The following HS3ST5 variants were observed in gnomAD, a reference collection of about 807,000 sequenced individuals.
The protein encoded by HS3ST5 is heparan sulfate-glucosamine 3-sulfotransferase 5, also known as heparan sulfate glucosamine 3-O-sulfotransferase 5.
Under a neutral mutation model 25.4 loss-of-function variants are expected in HS3ST5, and 10 were observed. The ratio of observed to expected loss-of-function variants is 0.39; its 90% CI spans 0.24 to 0.67. HS3ST5 has a LOEUF of 0.67. Among genes scored for constraint, HS3ST5 ranks in the 30% least tolerant of loss-of-function variants. The pLI, the probability that HS3ST5 is intolerant of heterozygous loss-of-function variation, is 0.44. For synonymous variants in HS3ST5, 170 were observed against 162.4 expected (o/e 1.05, Z -0.36); for missense variants, 324 against 420.7 (o/e 0.77, Z 2.01).
intron 3 of HS3ST5, among the ~76,000 whole-genome samples, chr6:114,136,487 G>T (rs144979967): frequency 1.3e-5 from 2 of 152,092 alleles, no homozygotes; most frequent in Non-Finnish European, 2.9e-5. Flanking sequence ...ACCCAGTCTC[G>T]GATATATCTT....
In HS3ST5 at chr6:114,057,069, A is replaced by G. The variant is rs928344011; in HGVS notation, c.*188T>C. On this transcript the variant is annotated 3_prime_UTR_variant, in exon 5 of 5. Coordinates refer to ENST00000312719, the MANE Select transcript of HS3ST5 (RefSeq NM_153612.4). ...AAAAGATGCGACTATGCAGACAGCAATTTTTTTTTTTTCGTAAATTTTCAG... is the reference window on the plus strand; with the variant it reads ...AAAAGATGCGACTATGCAGACAGCAGTTTTTTTTTTTTCGTAAATTTTCAG... The G allele has an allele frequency of 4.9e-6, 2 of 406,926 alleles. No individual in the cohort carries two copies. The highest frequency in any genetic ancestry group is 4.1e-5 in the Admixed American group (1 of 24,140). 25.2% of individuals were successfully genotyped at this position (406,926 alleles called of 1,614,324 possible). A position where few individuals can be genotyped will look rare whatever the true frequency, so the allele number is the denominator to read the frequency against.
At chr6:114,113,185 A>C (rs1195682523) in intron 3 of HS3ST5, among the ~76,000 whole-genome samples, 1 of 152,122 alleles carries the variant, frequency 6.6e-6, no homozygotes, top group Non-Finnish European at 1.5e-5. Flanking sequence ...GTTCTTCTTC[A>C]TCTCTCACCT....
chr6:114,193,030 A>AT lies in HS3ST5; in HGVS notation c.-144-24569dup, dbSNP rs113944634. On this transcript the variant is annotated intron_variant, in intron 2 of 4. Coordinates refer to ENST00000312719, the MANE Select transcript of HS3ST5 (RefSeq NM_153612.4). Reference sequence around the variant, plus strand: ...CAGAGCATGGGTGTATATCTGTGGGATTTTTTTCTTCTTCTTCAGGTTCTG... The same window carrying AT: ...CAGAGCATGGGTGTATATCTGTGGGATTTTTTTTCTTCTTCTTCAGGTTCTG... Among the ~76,000 whole-genome samples the AT allele has an allele frequency of 2.0e-3, 299 of 152,084 alleles. 6 individuals carry two copies. Among genetic ancestry groups the AT allele is most frequent in the East Asian group, 0.014 (74 of 5,166 alleles).
chr6:114,149,341 T>C (rs957059108), intron 3 of HS3ST5, among the ~76,000 whole-genome samples: 1 of 152,148 alleles, frequency 6.6e-6, no homozygotes, highest in African/African-American at 2.4e-5. Flanking sequence ...CAAATGCCCA[T>C]CAATGATAGA....
intron 3 of HS3ST5, among the ~76,000 whole-genome samples, chr6:114,104,403 C>T (rs554434801): frequency 6.6e-6 from 1 of 152,172 alleles, no homozygotes; most frequent in African/African-American, 2.4e-5. Flanking sequence ...CCAGGCCTCC[C>T]GGCAGCCCAT....
intron 3 of HS3ST5, among the ~76,000 whole-genome samples, chr6:114,127,857 G>T (rs9488330): frequency 0.35 from 48,906 of 140,646 alleles, 8,068 homozygotes; most frequent in African/African-American, 0.38. Flanking sequence ...TATATATATA[G>T]AGAGAGAGAG....
chr6:114,127,211 A>AC (rs1370766866), intron 3 of HS3ST5, among the ~76,000 whole-genome samples: 2 of 152,016 alleles, frequency 1.3e-5, no homozygotes, highest in African/African-American at 4.8e-5. Flanking sequence ...ACATGGTGAA[A>AC]CCCCATCTCT....
intron 2 of HS3ST5, among the ~76,000 whole-genome samples, chr6:114,189,053 TGGTGAA>T (rs766073517): frequency 2.0e-5 from 3 of 152,084 alleles, no homozygotes; most frequent in Admixed American, 6.6e-5. Flanking sequence ...CTCTCCTGCT[TGGTGAA>T]GTACATCCTG....
chr6:114,327,319 G>A (rs1449889942), intron 1 of HS3ST5, among the ~76,000 whole-genome samples: 2 of 152,042 alleles, frequency 1.3e-5, no homozygotes, highest in East Asian at 3.9e-4. Context: ...CATCTTCCTT[G>A]TTCTTTAGCT....
At chr6:114,136,686 T>C (rs1263660692) in intron 3 of HS3ST5, among the ~76,000 whole-genome samples, 1 of 152,254 alleles carries the variant, frequency 6.6e-6, no homozygotes, top group Non-Finnish European at 1.5e-5. Flanking sequence ...ATTTTTGGCA[T>C]AGACTCACTT....
chr6:114,302,175 C>A (rs1235457047), intron 1 of HS3ST5, among the ~76,000 whole-genome samples: 7 of 152,064 alleles, frequency 4.6e-5, no homozygotes. Flanking sequence ...TGTGTGATGA[C>A]CCTAGACACC....
chr6:114,133,069 C>T (rs545797897), intron 3 of HS3ST5, among the ~76,000 whole-genome samples: 3 of 152,136 alleles, frequency 2.0e-5, no homozygotes, highest in African/African-American at 7.2e-5. Flanking sequence ...CCTCTTACCC[C>T]CTATTTGTCA....
At chr6:114,269,937 C>A (rs891031067) in intron 1 of HS3ST5, among the ~76,000 whole-genome samples, 1 of 152,182 alleles carries the variant, frequency 6.6e-6, no homozygotes, top group African/African-American at 2.4e-5. Flanking sequence ...TTTTGGCCAT[C>A]ATCTATGCCT....
chr6:114,154,360 G>A (rs997941665), intron 3 of HS3ST5, among the ~76,000 whole-genome samples: 1 of 152,098 alleles, frequency 6.6e-6, no homozygotes, highest in Admixed American at 6.5e-5. Context: ...AAGCAAGGTG[G>A]TAAAATTTGG....
intron 3 of HS3ST5, among the ~76,000 whole-genome samples, chr6:114,131,721 T>C (rs1777343360): frequency 6.6e-6 from 1 of 152,222 alleles, no homozygotes; most frequent in Non-Finnish European, 1.5e-5. Context: ...ATTACGTTTC[T>C]TTTTATGTAA....
chr6:114,254,833 C>T (rs1772831602), intron 1 of HS3ST5, among the ~76,000 whole-genome samples: 1 of 152,102 alleles, frequency 6.6e-6, no homozygotes, highest in African/African-American at 2.4e-5. Context: ...CAATTATCTC[C>T]CACTGGATCC....
intron 2 of HS3ST5, among the ~76,000 whole-genome samples, chr6:114,210,453 C>T (rs1169560597): frequency 1.3e-5 from 2 of 152,138 alleles, no homozygotes; most frequent in Non-Finnish European, 2.9e-5. Flanking sequence ...GCTTAAGCAG[C>T]GGCAATGTGA....
chr6:114,278,186 G>A lies in HS3ST5; in HGVS notation c.-338-49408C>T, dbSNP rs149781868. On this transcript the variant is annotated intron_variant, in intron 1 of 4. Transcript: ENST00000312719. The stretch of plus-strand genomic sequence containing the variant: ...ATGTGCTCTTCAATTATTCTTATGC[G>A]ATTTATATAGCTCCATAAATGAACA... Among the ~76,000 whole-genome samples the A allele has an allele frequency of 2.6e-4, 39 of 152,004 alleles. No homozygotes were observed. The East Asian group carries it at 7.4e-3, about 29-fold the overall frequency.
chr6:114,205,117 T>C (rs6941350), intron 2 of HS3ST5, among the ~76,000 whole-genome samples: 1 of 152,156 alleles, frequency 6.6e-6, no homozygotes, highest in Non-Finnish European at 1.5e-5. Context: ...TAATTCAATT[T>C]TGATACTAAC....
Sources: gnomAD v4.1 joint callset for allele counts (sites outside exome capture counted in the v4.1 genomes callset) on GRCh38, gnomAD v4.1.1 for gene constraint, MANE v1.5 for transcripts, NCBI Gene and HGNC (gene_info 2026-07-23, HGNC 2026-07-21) for gene names.